The following CDPF1 variants were observed in gnomAD, a reference collection of about 807,000 sequenced individuals.
CDPF1 encodes the protein cysteine-rich DPF motif domain-containing protein 1.
In CDPF1, 8 loss-of-function variants were observed where a neutral mutation model predicts 8.3. The ratio of observed to expected loss-of-function variants is 0.96; its 90% confidence interval spans 0.57 to 1.74. The LOEUF (loss-of-function observed/expected upper bound fraction) is 1.74. CDPF1 is among the 40% of genes most tolerant of loss of function. The pLI is 0.00. For synonymous variants in CDPF1, 62 were observed against 62.9 expected (o/e 0.99, Z 0.07); for missense variants, 151 against 155.3 (o/e 0.97, Z 0.15).
rs1015191967 is a variant in CDPF1, at chr22:46,245,669, G to A, written c.226-431C>T. ...CCCACAGACCAAAGACGCCATGGAC[G>A]AGCCAGCTAGTCTGGGCAGGAGGCC... On this transcript the variant is annotated intron_variant, in intron 3 of 3. Coordinates refer to ENST00000314567, the MANE Select transcript of CDPF1 (RefSeq NM_207327.5). The surrounding 1 kb of genome is among the most constrained non-coding windows in gnomAD (Gnocchi z 6.9). Among the ~76,000 whole-genome samples, 3 of 152,200 alleles carry A rather than the reference G, an allele frequency of 2.0e-5. No homozygotes were observed. Among genetic ancestry groups the A allele is most frequent in the African/African-American group, 7.2e-5 (3 of 41,462 alleles).
In CDPF1 at chr22:46,247,008, G is replaced by C; in HGVS notation, c.225+102C>G. ...AGCTGAGGGGCCCCATCTATAATGG[G>C]GTGAACCCGCTGCTCCCTCTCTCCC... is the stretch of plus-strand genomic sequence containing the variant. On this transcript the variant is annotated intron_variant, in intron 3 of 3. Coordinates refer to ENST00000314567, the MANE Select transcript of CDPF1 (RefSeq NM_207327.5). This position sits in a 1 kb window ranked among gnomAD's most constrained non-coding sequence, Gnocchi z 4.3. 7.9e-7 allele frequency: 1 copy of C among 1,261,644 alleles called. No individual in the cohort carries two copies. Among genetic ancestry groups the C allele is most frequent in the East Asian group, 2.5e-5 (1 of 39,398 alleles). The allele number at this position is 1,261,644 out of a possible 1,614,324, so 78.2% of individuals were successfully genotyped here. A position where few individuals can be genotyped will look rare whatever the true frequency, so the allele number is the denominator to read the frequency against.
At chr22:46,250,232 G>C (rs1936558511) in intron 1 of CDPF1, 24 bp downstream of exon 1, 1 of 152,378 alleles carries the variant, frequency 6.6e-6, no homozygotes, top group East Asian at 1.9e-4. Context: ...GCTCGCCCCA[G>C]TCACTCTGCC....
Position 46,249,247 on chromosome 22 carries a change from C to T in CDPF1, c.1-963G>A, listed in dbSNP as rs930970507. Among the ~76,000 whole-genome samples the T allele has an allele frequency of 6.6e-6, 1 of 152,180 alleles. No homozygotes were observed. The highest frequency in any genetic ancestry group is 1.5e-5 in the Non-Finnish European group (1 of 68,034). On this transcript the variant is annotated intron_variant, in intron 1 of 3. Coordinates refer to ENST00000314567, the MANE Select transcript of CDPF1 (RefSeq NM_207327.5). This position sits in a 1 kb window ranked among gnomAD's most constrained non-coding sequence, Gnocchi z 4.6. The stretch of plus-strand genomic sequence containing the variant: ...CCCCTAGCTCTTGGCTGTGACCTCC[C>T]CTCGCCTGAACTGAGCGTGGTGTAT...
rs963967061 is a variant in CDPF1 at position 46,244,420 on chromosome 22, T to C, written c.*672A>G. ...AACTGGAGAGGCTAGAAGCCAGCAC[T>C]CAGCTTCCCAGGAGACCCCAACTAT... On this transcript the variant is annotated 3_prime_UTR_variant, in exon 4 of 4. Transcript: ENST00000314567. The surrounding 1 kb of genome is among the most constrained non-coding windows in gnomAD (Gnocchi z 6.7). 1 of 152,162 alleles carries C rather than the reference T, an allele frequency of 6.6e-6. No homozygotes were observed. The highest frequency in any genetic ancestry group is 1.5e-5 in the Non-Finnish European group (1 of 68,122). 9.4% of individuals were successfully genotyped at this position (152,162 alleles called of 1,614,324 possible). A position where few individuals can be genotyped will look rare whatever the true frequency, so the allele number is the denominator to read the frequency against.
chr22:46,246,145 A>C lies in CDPF1; in HGVS notation c.226-907T>G, dbSNP rs1014652417. Among the ~76,000 whole-genome samples the C allele has an allele frequency of 6.6e-6, 1 of 152,330 alleles. No individual in the cohort carries two copies. Among genetic ancestry groups the C allele is most frequent in the South Asian group, 2.1e-4 (1 of 4,826 alleles). ...CGCAAACATAAGGCTGCCCTCCTGC[A>C]GTTCTTAGAAAAGACCCTTCGCCAT... On this transcript the variant is annotated intron_variant, in intron 3 of 3. Transcript: ENST00000314567. This position sits in a 1 kb window ranked among gnomAD's most constrained non-coding sequence, Gnocchi z 7.1.
At position 46,248,169 on chromosome 22, in the gene CDPF1, C is replaced by T; in HGVS notation, c.113+3G>A. On this transcript the variant is annotated splice_donor_region_variant and intron_variant, in intron 2 of 3. Transcript: ENST00000314567. This position sits in a 1 kb window ranked among gnomAD's most constrained non-coding sequence, Gnocchi z 4.1. ...GGCACTGGCCCAAAAGGCATGCACT[C>T]ACACCATCGACTGGGTGTTGGGGGG... The T allele has an allele frequency of 6.2e-7, 1 of 1,608,994 alleles. No homozygotes were observed. The highest frequency in any genetic ancestry group is 8.5e-7 in the Non-Finnish European group (1 of 1,176,082).
rs1004922700 is a variant in CDPF1 at position 46,244,900 on chromosome 22, C to A, written c.*192G>T. The A allele has an allele frequency of 3.0e-6, 2 of 662,594 alleles. No homozygotes were observed. Among genetic ancestry groups the A allele is most frequent in the Non-Finnish European group, 5.0e-6 (2 of 398,540 alleles). The allele number at this position is 662,594 out of a possible 1,614,324, so 41.0% of individuals were successfully genotyped here. A position where few individuals can be genotyped will look rare whatever the true frequency, so the allele number is the denominator to read the frequency against. ...TTGTCTGGCATCTGCCTTTGGACTACCCTCTTGCTACAGCTCCCTGGGCCT... is the reference window on the plus strand; with the variant it reads ...TTGTCTGGCATCTGCCTTTGGACTAACCTCTTGCTACAGCTCCCTGGGCCT... On this transcript the variant is annotated 3_prime_UTR_variant, in exon 4 of 4. Coordinates refer to ENST00000314567, the MANE Select transcript of CDPF1 (RefSeq NM_207327.5). This position sits in a 1 kb window ranked among gnomAD's most constrained non-coding sequence, Gnocchi z 6.7.
At position 46,247,813 on chromosome 22, in the gene CDPF1, CCT is replaced by C. The variant is rs1936514177; in HGVS notation, c.113+357_113+358del. 6.6e-6 allele frequency among the ~76,000 whole-genome samples: 1 copy of C among 152,236 alleles called. No individual in the cohort carries two copies. Among genetic ancestry groups the C allele is most frequent in the African/African-American group, 2.4e-5 (1 of 41,466 alleles). On this transcript the variant is annotated intron_variant, in intron 2 of 3. Coordinates refer to ENST00000314567, the MANE Select transcript of CDPF1 (RefSeq NM_207327.5). This position sits in a 1 kb window ranked among gnomAD's most constrained non-coding sequence, Gnocchi z 4.3. Reference sequence around the variant, plus strand: ...AAGCTGGAGGTCAAGAGATAAGCCCCCTGACCCACTGGCTCTAATCCAGGTCT... The same window carrying C: ...AAGCTGGAGGTCAAGAGATAAGCCCCGACCCACTGGCTCTAATCCAGGTCT...
In CDPF1 at chr22:46,246,611, C is replaced by A; in HGVS notation, c.225+499G>T. On this transcript the variant is annotated intron_variant, in intron 3 of 3. Transcript: ENST00000314567. This position sits in a 1 kb window ranked among gnomAD's most constrained non-coding sequence, Gnocchi z 7.1. ...AGCTACCCAGGTGAACCTGGCCCAC[C>A]CAGCCTCTCTGAAGCTCAGTTCCCT... 6.6e-7 allele frequency: 1 copy of A among 1,526,036 alleles called. No homozygotes were observed. Among genetic ancestry groups the A allele is most frequent in the Non-Finnish European group, 8.8e-7 (1 of 1,132,976 alleles). The allele number at this position is 1,526,036 out of a possible 1,614,324, so 94.5% of individuals were successfully genotyped here.
Position 46,248,279 on chromosome 22 carries a change from C to A in CDPF1, c.6G>T (p.Ala2=). 2.5e-6 allele frequency: 4 copies of A among 1,607,056 alleles called. No individual in the cohort carries two copies. Among genetic ancestry groups the A allele is most frequent in the Non-Finnish European group, 3.4e-6 (4 of 1,174,588 alleles). Residue 2 remains alanine, a synonymous_variant, in exon 2 of 4, where the codon GCG becomes GCT. Coordinates refer to ENST00000314567, the MANE Select transcript of CDPF1 (RefSeq NM_207327.5). This position sits in a 1 kb window ranked among gnomAD's most constrained non-coding sequence, Gnocchi z 4.1. ...CCAGAGGACGGCACTCTACATGGGACGCCATCTGCAAGATCAAGAGATGGG... is the reference window on the plus strand; with the variant it reads ...CCAGAGGACGGCACTCTACATGGGAAGCCATCTGCAAGATCAAGAGATGGG... M[A]SHVECRPLGV... is the part of the protein sequence containing the mutation.
chr22:46,246,921 C>A lies in CDPF1; in HGVS notation c.225+189G>T. The A allele has an allele frequency of 1.4e-6, 2 of 1,427,872 alleles. No individual in the cohort carries two copies. The highest frequency in any genetic ancestry group is 9.4e-7 in the Non-Finnish European group (1 of 1,059,554). 88.5% of individuals were successfully genotyped at this position (1,427,872 alleles called of 1,614,324 possible). ...GAGCCACCAATTACCTATTTCCATT[C>A]CTACACCAGGCTGAGACCCTCTAAC... On this transcript the variant is annotated intron_variant, in intron 3 of 3. Transcript: ENST00000314567. The surrounding 1 kb of genome is among the most constrained non-coding windows in gnomAD (Gnocchi z 7.1).
Position 46,244,458 on chromosome 22 carries a change from T to G in CDPF1, c.*634A>C, listed in dbSNP as rs1186784253. The G allele has an allele frequency of 6.6e-6, 1 of 152,268 alleles. No homozygotes were observed. Among genetic ancestry groups the G allele is most frequent in the Admixed American group, 6.5e-5 (1 of 15,292 alleles). The allele number at this position is 152,268 out of a possible 1,614,324, so 9.4% of individuals were successfully genotyped here. A position where few individuals can be genotyped will look rare whatever the true frequency, so the allele number is the denominator to read the frequency against. On this transcript the variant is annotated 3_prime_UTR_variant, in exon 4 of 4. Transcript: ENST00000314567. This position sits in a 1 kb window ranked among gnomAD's most constrained non-coding sequence, Gnocchi z 6.7. The stretch of plus-strand genomic sequence containing the variant: ...AGACCCCAACTATTGCCGGGCCAAG[T>G]GTCCAGGGAGAACGTCGGGTATCCA...
rs1936535869 is a variant in CDPF1 at position 46,249,019 on chromosome 22, AAAAC to A, written c.1-739_1-736del. On this transcript the variant is annotated intron_variant, in intron 1 of 3. Transcript: ENST00000314567. This position sits in a 1 kb window ranked among gnomAD's most constrained non-coding sequence, Gnocchi z 4.6. ...GGGAGACAGCGAGACTCCATCTCAA[AAAAC>A]AAACAAACAAAAAAACTGTTTTCTT... is the stretch of plus-strand genomic sequence containing the variant. Among the ~76,000 whole-genome samples the A allele has an allele frequency of 1.3e-5, 2 of 151,844 alleles. No homozygotes were observed. The highest frequency in any genetic ancestry group is 2.1e-4 in the South Asian group (1 of 4,796).
chr22:46,248,323 C>T lies in CDPF1; in HGVS notation c.1-39G>A. ...AGATGGGGTGTCCCTGGGTCACAGG[C>T]TTTCTCAGGAATCCTGCCCCTTTCC... is the stretch of plus-strand genomic sequence containing the variant. On this transcript the variant is annotated intron_variant, in intron 1 of 3. Transcript: ENST00000314567. This position sits in a 1 kb window ranked among gnomAD's most constrained non-coding sequence, Gnocchi z 4.1. The T allele has an allele frequency of 7.5e-7, 1 of 1,340,284 alleles. No homozygotes were observed. The highest frequency in any genetic ancestry group is 1.1e-6 in the Non-Finnish European group (1 of 940,012). The allele number at this position is 1,340,284 out of a possible 1,614,324, so 83.0% of individuals were successfully genotyped here.
Position 46,245,004 on chromosome 22 carries a change from G to T in CDPF1, c.*88C>A. 1 of 1,525,136 alleles carries T rather than the reference G, an allele frequency of 6.6e-7. No homozygotes were observed. Among genetic ancestry groups the T allele is most frequent in the Middle Eastern group, 1.8e-4 (1 of 5,704 alleles). The allele number at this position is 1,525,136 out of a possible 1,614,324, so 94.5% of individuals were successfully genotyped here. On this transcript the variant is annotated 3_prime_UTR_variant, in exon 4 of 4. Coordinates refer to ENST00000314567, the MANE Select transcript of CDPF1 (RefSeq NM_207327.5). The surrounding 1 kb of genome is among the most constrained non-coding windows in gnomAD (Gnocchi z 6.9). ...TGGTCCAGAAACAAGGCCAGGCATG[G>T]CGGCTCCCAGCTCAGCAGCATCCCT...
At position 46,246,785 on chromosome 22, in the gene CDPF1, T is replaced by A; in HGVS notation, c.225+325A>T. 1 of 1,594,380 alleles carries A rather than the reference T, an allele frequency of 6.3e-7. No homozygotes were observed. The highest frequency in any genetic ancestry group is 8.5e-7 in the Non-Finnish European group (1 of 1,171,002). On this transcript the variant is annotated intron_variant, in intron 3 of 3. Transcript: ENST00000314567. The surrounding 1 kb of genome is among the most constrained non-coding windows in gnomAD (Gnocchi z 7.1). ...GACAGTCCCTTCTCCTGGAGATCCC[T>A]CCAAGAACATCTAGAAAGTAAGTCA...
Position 46,246,587 on chromosome 22 carries a change from G to GCTACCCAGGTGAACCTGGC in CDPF1, c.225+504_225+522dup. On this transcript the variant is annotated intron_variant, in intron 3 of 3. Transcript: ENST00000314567. The surrounding 1 kb of genome is among the most constrained non-coding windows in gnomAD (Gnocchi z 7.1). ...ACTTCCATCCGTCCTTGGGTTTACA[G>GCTACCCAGGTGAACCTGGC]CTACCCAGGTGAACCTGGCCCACCC... 6.7e-7 allele frequency: 1 copy of GCTACCCAGGTGAACCTGGC among 1,481,628 alleles called. No homozygotes were observed. The allele number at this position is 1,481,628 out of a possible 1,614,324, so 91.8% of individuals were successfully genotyped here. A position where few individuals can be genotyped will look rare whatever the true frequency, so the allele number is the denominator to read the frequency against.
chr22:46,244,165 T>G lies in CDPF1; in HGVS notation c.*927A>C, dbSNP rs1569264455. 6.6e-6 allele frequency: 1 copy of G among 151,316 alleles called. No homozygotes were observed. 9.4% of individuals were successfully genotyped at this position (151,316 alleles called of 1,614,324 possible). A position where few individuals can be genotyped will look rare whatever the true frequency, so the allele number is the denominator to read the frequency against. ...TCCCACCAGCTGCTACCCTGGAAGC[T>G]TCAGGGAGATGGGGAGCCTGGAGTA... On this transcript the variant is annotated 3_prime_UTR_variant, in exon 4 of 4. Transcript: ENST00000314567. This position sits in a 1 kb window ranked among gnomAD's most constrained non-coding sequence, Gnocchi z 6.7.
At chr22:46,250,003 C>T (rs1033285629) in intron 1 of CDPF1, among the ~76,000 whole-genome samples, 1 of 152,196 alleles carries the variant, frequency 6.6e-6, no homozygotes, top group African/African-American at 2.4e-5. Flanking sequence ...TGCTGGTGGT[C>T]CCCGCGAGCC....
Sources: allele counts gnomAD v4.1 joint callset (sites outside exome capture counted in the v4.1 genomes callset), GRCh38; gene constraint gnomAD v4.1.1; non-coding constraint Gnocchi (gnomAD v3.1); transcripts MANE v1.5; gene names NCBI Gene and HGNC (gene_info 2026-07-23, HGNC 2026-07-21).